The following CWC27 variants were observed in gnomAD, a reference collection of about 807,000 sequenced individuals.
CWC27 encodes CWC27 spliceosome associated cyclophilin.
CWC27 carries 47 observed loss-of-function variants against 63.6 expected under a neutral mutation model. That is an observed-to-expected ratio of 0.74 (90% CI 0.58 to 0.94). CWC27 has a LOEUF of 0.94. CWC27 is among the 40% of genes least tolerant of loss of function. CWC27 has a pLI of 0.00. For synonymous variants in CWC27, 175 were observed against 179.8 expected, an observed-to-expected ratio of 0.97 and a Z score of 0.22; for missense variants, 495 against 554.3, an observed-to-expected ratio of 0.89 and a Z score of 1.07.
chr5:64,980,953 A>G (rs1749322457), intron 13 of CWC27, among the ~76,000 whole-genome samples: 1 of 152,112 alleles, frequency 6.6e-6, no homozygotes, highest in South Asian at 2.1e-4. Flanking sequence ...TTTGCCGAGC[A>G]TGGTGGCGGG....
chr5:64,995,008 A>AT (rs72205192), intron 13 of CWC27, among the ~76,000 whole-genome samples: 1,704 of 129,972 alleles, frequency 0.013, 20 homozygotes, highest in East Asian at 0.027. Context: ...AAGCTCTGAA[A>AT]TTTTTTTTTT....
chr5:64,845,123 A>G (rs533140651), intron 10 of CWC27: 1 of 417,448 alleles, frequency 2.4e-6, no homozygotes, highest in Non-Finnish European at 4.8e-6. Flanking sequence ...CAGCAGCCCC[A>G]TGTAACATCA....
At chr5:64,838,493 G>A (rs1199281716) in intron 10 of CWC27, among the ~76,000 whole-genome samples, 1 of 152,126 alleles carries the variant, frequency 6.6e-6, no homozygotes, top group Non-Finnish European at 1.5e-5. Flanking sequence ...CTAACAATCT[G>A]TGGGCTATTG....
At chr5:64,844,554 A>G (rs1745924665) in intron 10 of CWC27, among the ~76,000 whole-genome samples, 1 of 152,144 alleles carries the variant, frequency 6.6e-6, no homozygotes, top group Admixed American at 6.5e-5. Context: ...TACCAGTTTG[A>G]CTTGAGAAGT....
chr5:64,778,489 G>T (rs1402588765), intron 2 of CWC27, among the ~76,000 whole-genome samples: 2 of 152,224 alleles, frequency 1.3e-5, no homozygotes, highest in East Asian at 1.9e-4. Context: ...ATATACTGGG[G>T]TATATTTTAT....
intron 11 of CWC27, among the ~76,000 whole-genome samples, chr5:64,927,963 TGGACAACA>T (rs1748152558): frequency 1.3e-5 from 2 of 152,148 alleles, no homozygotes; most frequent in Admixed American, 6.5e-5. Context: ...GAGACCAGCC[TGGACAACA>T]TGGTAAAACC....
intron 4 of CWC27, 52 bp downstream of exon 4, chr5:64,784,031 T>A: frequency 2.1e-6 from 3 of 1,427,422 alleles, no homozygotes; most frequent in Non-Finnish European, 2.8e-6. Context: ...TTTTATGTTA[T>A]TCCTTAGACT....
rs140214399 is a variant in CWC27 at position 64,956,148 on chromosome 5, T to C, written c.1043-15555T>C. Reference sequence around the variant, plus strand: ...GAATGGTTCAACACATTTAACTTTATAAAAGGCTCACAAATAATCAATAAT... The same window carrying C: ...GAATGGTTCAACACATTTAACTTTACAAAAGGCTCACAAATAATCAATAAT... On this transcript the variant is annotated intron_variant, in intron 11 of 13. Transcript: ENST00000381070. 4.1e-3 allele frequency among the ~76,000 whole-genome samples: 618 copies of C among 152,236 alleles called. 2 individuals carry two copies. The highest frequency in any genetic ancestry group is 0.014 in the African/African-American group (577 of 41,546).
At chr5:64,997,229 G>A (rs1749649718) in intron 13 of CWC27, among the ~76,000 whole-genome samples, 1 of 152,094 alleles carries the variant, frequency 6.6e-6, no homozygotes, top group African/African-American at 2.4e-5. Context: ...ACCTGAATTT[G>A]AATCCCAACT....
rs550358831 is a variant in CWC27, at chr5:64,926,588, C to T, written c.1042+41042C>T. Among the ~76,000 whole-genome samples, 301 of 151,876 alleles carry T rather than the reference C, an allele frequency of 2.0e-3. 1 individual carries two copies. The highest frequency in any genetic ancestry group is 6.7e-3 in the African/African-American group (276 of 41,422). On this transcript the variant is annotated intron_variant, in intron 11 of 13. Transcript: ENST00000381070. ...TTGGAATGAATTCAGTCAATGAAGA[C>T]GTAAATAAAAAATGTAATGTTAAAT... is the stretch of plus-strand genomic sequence containing the variant.
chr5:64,841,442 A>G (rs1745832842), intron 10 of CWC27, among the ~76,000 whole-genome samples: 1 of 152,200 alleles, frequency 6.6e-6, no homozygotes, highest in Non-Finnish European at 1.5e-5. Flanking sequence ...TGGAGGGGAC[A>G]TTTAAAACAT....
intron 3 of CWC27, among the ~76,000 whole-genome samples, chr5:64,782,661 G>A (rs1052109767): frequency 1.3e-5 from 2 of 152,080 alleles, no homozygotes; most frequent in African/African-American, 4.8e-5. Flanking sequence ...TTCTTTGAAT[G>A]AGTAAATATT....
intron 11 of CWC27, among the ~76,000 whole-genome samples, chr5:64,945,744 T>C (rs1748579409): frequency 6.6e-6 from 1 of 152,172 alleles, no homozygotes; most frequent in Non-Finnish European, 1.5e-5. Context: ...TCCATAATGG[T>C]AACAGTCAAT....
intron 11 of CWC27, among the ~76,000 whole-genome samples, chr5:64,886,523 T>A (rs1172854664): frequency 6.6e-6 from 1 of 152,144 alleles, no homozygotes; most frequent in Non-Finnish European, 1.5e-5. Context: ...GGAAGTATAT[T>A]AACAAATAAG....
chr5:64,898,330 T>A (rs1747426957), intron 11 of CWC27, among the ~76,000 whole-genome samples: 1 of 150,782 alleles, frequency 6.6e-6, no homozygotes, highest in Non-Finnish European at 1.5e-5. Context: ...AAAAAAAAAA[T>A]ACAAAACGCA....
At chr5:64,928,944 C>A (rs1748175823) in intron 11 of CWC27, among the ~76,000 whole-genome samples, 1 of 150,482 alleles carries the variant, frequency 6.6e-6, no homozygotes, top group Non-Finnish European at 1.5e-5. Context: ...AAATCTTGAA[C>A]TTTTCTCAGT....
At chr5:64,885,032 C>T (rs1747033359) in intron 10 of CWC27, among the ~76,000 whole-genome samples, 1 of 152,108 alleles carries the variant, frequency 6.6e-6, no homozygotes. Context: ...TCACTGGTAC[C>T]AGTTCAGGAA....
chr5:64,903,577 C>T (rs948914567), intron 11 of CWC27, among the ~76,000 whole-genome samples: 5 of 151,568 alleles, frequency 3.3e-5, no homozygotes, highest in Admixed American at 6.6e-5. Flanking sequence ...CTAATGCATA[C>T]GGGGCTTAAA....
intron 11 of CWC27, among the ~76,000 whole-genome samples, chr5:64,939,375 C>G (rs181838579): frequency 6.6e-6 from 1 of 152,336 alleles, no homozygotes; most frequent in Non-Finnish European, 1.5e-5. Context: ...TTAGGCCCCT[C>G]TGCTGCAGGT....
Sources: allele counts gnomAD v4.1 joint callset (sites outside exome capture counted in the v4.1 genomes callset), GRCh38; gene constraint gnomAD v4.1.1; transcripts MANE v1.5; gene names NCBI Gene and HGNC (gene_info 2026-07-23, HGNC 2026-07-21).